WASL: variants seen among roughly 807,000 people sequenced by gnomAD.
The protein encoded by WASL is actin nucleation-promoting factor WASL.
In WASL, 20 loss-of-function variants were observed where a neutral mutation model predicts 55.5. The observed-to-expected ratio is 0.36, with a 90% CI of 0.25 to 0.52. WASL has a LOEUF of 0.52. WASL is among the 20% of genes least tolerant of loss of function. The pLI, the probability that WASL is intolerant of heterozygous loss-of-function variation, is 0.92. For synonymous variants in WASL, 249 were observed against 217.6 expected (o/e 1.14, Z -1.27); for missense variants, 504 against 622.5 (o/e 0.81, Z 2.03).
Position 123,684,448 on chromosome 7 carries a change from C to T in WASL, c.*71G>A, listed in dbSNP as rs1803254236. On this transcript the variant is annotated 3_prime_UTR_variant, in exon 11 of 11. Transcript: ENST00000223023. Reference sequence around the variant, plus strand: ...GTAGAACATTTACATGATAATTTTACAGAATCCACAGACAGAAAGTAGTGT... The same window carrying T: ...GTAGAACATTTACATGATAATTTTATAGAATCCACAGACAGAAAGTAGTGT... 4.1e-6 allele frequency: 2 copies of T among 493,374 alleles called. No individual in the cohort carries two copies. The highest frequency in any genetic ancestry group is 7.1e-6 in the Non-Finnish European group (2 of 282,794). The allele number at this position is 493,374 out of a possible 1,614,324, so 30.6% of individuals were successfully genotyped here. A position where few individuals can be genotyped will look rare whatever the true frequency, so the allele number is the denominator to read the frequency against.
At chr7:123,724,028 A>G (rs1166051868) in intron 1 of WASL, among the ~76,000 whole-genome samples, 1 of 152,196 alleles carries the variant, frequency 6.6e-6, no homozygotes, top group African/African-American at 2.4e-5. Flanking sequence ...GCGAGATCTC[A>G]AATTTATACC....
In WASL at chr7:123,737,892, T is replaced by C. The variant is rs1253264892; in HGVS notation, c.117+10726A>G. 2.0e-5 allele frequency among the ~76,000 whole-genome samples: 3 copies of C among 152,118 alleles called. No homozygotes were observed. The East Asian group carries it at 5.8e-4, about 29-fold the overall frequency. ...AACCTGTACAATGACCAAAACCAAG[T>C]ACTTGTCAAAAGATAAATGACAAAC... On this transcript the variant is annotated intron_variant, in intron 1 of 10. Transcript: ENST00000223023.
intron 1 of WASL, among the ~76,000 whole-genome samples, chr7:123,724,693 GTGC>G (rs1804013119): frequency 6.6e-6 from 1 of 151,890 alleles, no homozygotes; most frequent in African/African-American, 2.4e-5. Context: ...GATTACTGCT[GTGC>G]TATCAAAATT....
chr7:123,730,581 G>T (rs1804121340), intron 1 of WASL, among the ~76,000 whole-genome samples: 1 of 151,928 alleles, frequency 6.6e-6, no homozygotes, highest in African/African-American at 2.4e-5. Context: ...GTTAGAAAAA[G>T]AGAGACAATG....
chr7:123,744,295 G>A lies in WASL; in HGVS notation c.117+4323C>T, dbSNP rs550505935. Among the ~76,000 whole-genome samples, 4 of 152,236 alleles carry A rather than the reference G, an allele frequency of 2.6e-5. No individual in the cohort carries two copies. In the East Asian group the frequency reaches 7.7e-4, roughly 29 times the overall value. Reference sequence around the variant, plus strand: ...GATACCATGTGCATTAGAAACTGAAGGGCTTAACAACCTAATCAAGCAATA... The same window carrying A: ...GATACCATGTGCATTAGAAACTGAAAGGCTTAACAACCTAATCAAGCAATA... On this transcript the variant is annotated intron_variant, in intron 1 of 10. Transcript: ENST00000223023.
intron 1 of WASL, among the ~76,000 whole-genome samples, chr7:123,719,696 T>G (rs1803904822): frequency 6.6e-6 from 1 of 152,164 alleles, no homozygotes; most frequent in African/African-American, 2.4e-5. Context: ...CTATAAAATC[T>G]CCAGCAAGCC....
chr7:123,735,246 G>A (rs1170671693), intron 1 of WASL, among the ~76,000 whole-genome samples: 3 of 151,306 alleles, frequency 2.0e-5, no homozygotes, highest in Non-Finnish European at 4.4e-5. Context: ...TATTAAAACA[G>A]ATCAATTAGC....
chr7:123,731,026 T>G (rs574128088), intron 1 of WASL, among the ~76,000 whole-genome samples: 1 of 152,238 alleles, frequency 6.6e-6, no homozygotes, highest in Admixed American at 6.5e-5. Context: ...ACACCCATTT[T>G]AAATATAAAA....
chr7:123,701,778 C>A (rs139748277), intron 5 of WASL, among the ~76,000 whole-genome samples: 2 of 152,134 alleles, frequency 1.3e-5, no homozygotes, highest in Non-Finnish European at 2.9e-5. Context: ...GTGGGGAAAG[C>A]AAGATAGTTG....
At chr7:123,709,057 C>A in intron 2 of WASL, 32 bp downstream of exon 2, 2 of 1,561,666 alleles carry the variant, frequency 1.3e-6, no homozygotes, top group Non-Finnish European at 1.7e-6. Context: ...ACCTAATCAC[C>A]TAGTTTAAAG....
In WASL at chr7:123,728,224, G is replaced by A. The variant is rs191807973; in HGVS notation, c.118-19001C>T. Among the ~76,000 whole-genome samples the A allele has an allele frequency of 4.1e-3, 629 of 152,260 alleles. 16 individuals carry two copies. Among genetic ancestry groups the A allele is most frequent in the Middle Eastern group, 3.4e-3 (1 of 292 alleles). On this transcript the variant is annotated intron_variant, in intron 1 of 10. Transcript: ENST00000223023. ...TCACATTTGTTTAACATTACCTGGG[G>A]ACTGGGCACTTTCAAGAACTACAAA... is the stretch of plus-strand genomic sequence containing the variant.
intron 1 of WASL, chr7:123,720,344 CAAAAAA>C (rs11377481): frequency 1.7e-5 from 6 of 349,800 alleles, no homozygotes; most frequent in Admixed American, 7.5e-5. Flanking sequence ...CATACAGCTG[CAAAAAA>C]AAAAAAAAAA....
intron 1 of WASL, among the ~76,000 whole-genome samples, chr7:123,717,844 T>G (rs191566731): frequency 9.2e-5 from 14 of 152,338 alleles, no homozygotes; most frequent in Admixed American, 9.2e-4. Flanking sequence ...CATGATCTCT[T>G]TCAACTCATC....
chr7:123,690,149 A>G (rs557147773), intron 9 of WASL, among the ~76,000 whole-genome samples: 10 of 152,202 alleles, frequency 6.6e-5, no homozygotes, highest in Admixed American at 2.0e-4. Flanking sequence ...TCAAGGAGGT[A>G]CAACAGCGGT....
chr7:123,713,416 G>T (rs543176340), intron 1 of WASL, among the ~76,000 whole-genome samples: 102 of 152,182 alleles, frequency 6.7e-4, no homozygotes, highest in South Asian at 2.1e-3. Flanking sequence ...GCCTCCTAAA[G>T]TGTAGGGATT....
At chr7:123,688,926 A>G (rs1267620180) in intron 10 of WASL, 116 bp downstream of exon 10, 2 of 937,642 alleles carry the variant, frequency 2.1e-6, no homozygotes, top group African/African-American at 1.6e-5. Context: ...ATTAGCAGAG[A>G]GAAAGCTAGC....
Position 123,685,333 on chromosome 7 carries a change from A to G in WASL, c.1457-753T>C, listed in dbSNP as rs562132147. Among the ~76,000 whole-genome samples the G allele has an allele frequency of 2.0e-3, 300 of 151,632 alleles. 4 individuals are homozygous for G. In the Middle Eastern group the frequency reaches 0.028, roughly 14 times the overall value. The stretch of plus-strand genomic sequence containing the variant: ...AGTTATTGTCTCTCTCTCTCCCCAA[A>G]CTTCTCTCATATGTACTCTCCCTTC... On this transcript the variant is annotated intron_variant, in intron 10 of 10. Coordinates refer to ENST00000223023, the MANE Select transcript of WASL (RefSeq NM_003941.4).
At chr7:123,732,163 TA>T (rs1413438517) in intron 1 of WASL, among the ~76,000 whole-genome samples, 1 of 151,742 alleles carries the variant, frequency 6.6e-6, no homozygotes, top group Non-Finnish European at 1.5e-5. Flanking sequence ...CCGTCTCTAC[TA>T]AAAATACAAA....
chr7:123,717,114 T>C lies in WASL; in HGVS notation c.118-7891A>G, dbSNP rs183853077. Among the ~76,000 whole-genome samples the C allele has an allele frequency of 2.8e-3, 429 of 152,280 alleles. 8 individuals carry two copies. Among genetic ancestry groups the C allele is most frequent in the Admixed American group, 0.024 (373 of 15,288 alleles). ...CCTTTTGGTTTGTTTTTTACCTTAA[T>C]TTTGGGGCAGGGAAAATGGCAGGGA... On this transcript the variant is annotated intron_variant, in intron 1 of 10. Transcript: ENST00000223023.
Sources: allele counts gnomAD v4.1 joint callset (sites outside exome capture counted in the v4.1 genomes callset), GRCh38; gene constraint gnomAD v4.1.1; transcripts MANE v1.5; gene names NCBI Gene and HGNC (gene_info 2026-07-23, HGNC 2026-07-21).